Variants in LAMA3 observed in about 807,000 individuals in gnomAD.
LAMA3 encodes laminin subunit alpha 3, also known as laminin subunit alpha-3.
A neutral mutation model predicts 402.0 loss-of-function variants in LAMA3; 281 were observed. That is an observed-to-expected ratio of 0.70 (90% CI 0.63 to 0.77). LAMA3 has a LOEUF of 0.77. LAMA3 is among the 30% of genes least tolerant of loss of function. The probability of loss-of-function intolerance (pLI) is 0.00; values close to 1 mark genes in which losing one functional copy is unlikely to be tolerated. For synonymous variants in LAMA3, 1,431 were observed against 1,558.4 expected, an observed-to-expected ratio of 0.92 and a Z score of 1.93; for missense variants, 3,840 against 4,215.5, an observed-to-expected ratio of 0.91 and a Z score of 2.47.
chr18:23,727,308 TG>T (rs2061316163), intron 2 of LAMA3, among the ~76,000 whole-genome samples: 1 of 25,794 alleles, frequency 3.9e-5, no homozygotes, highest in Admixed American at 5.6e-4. Flanking sequence ...TGTCCTTGTT[TG>T]ATTGATTGAT....
At chr18:23,882,609 TAAA>T (rs10555585) in intron 40 of LAMA3, among the ~76,000 whole-genome samples, 5 of 138,814 alleles carry the variant, frequency 3.6e-5, no homozygotes, top group African/African-American at 5.1e-5. Context: ...GACTCCATCT[TAAA>T]AAAAAAAAAA....
chr18:23,753,979 T>C (rs966455700), intron 6 of LAMA3, among the ~76,000 whole-genome samples, 167 bp downstream of exon 6: 1 of 152,116 alleles, frequency 6.6e-6, no homozygotes, highest in African/African-American at 2.4e-5. Context: ...CAACTCTCCA[T>C]TTTCTTTCAC....
At chr18:23,859,835 C>T (rs2064172445) in intron 34 of LAMA3, among the ~76,000 whole-genome samples, 1 of 152,186 alleles carries the variant, frequency 6.6e-6, no homozygotes, top group African/African-American at 2.4e-5. Context: ...CCTCTCCCTT[C>T]CTCAGAGGTT....
At chr18:23,768,848 G>A (rs985112531) in intron 8 of LAMA3, among the ~76,000 whole-genome samples, 4 of 152,184 alleles carry the variant, frequency 2.6e-5, no homozygotes, top group African/African-American at 9.7e-5. Context: ...CAGCATGGAT[G>A]CAGCTGGAGG....
chr18:23,872,539 A>C (rs1022080529), intron 38 of LAMA3, among the ~76,000 whole-genome samples: 1 of 152,114 alleles, frequency 6.6e-6, no homozygotes, highest in Non-Finnish European at 1.5e-5. Context: ...GGTAGCCGAA[A>C]ACCCCAAGGT....
chr18:23,728,111 G>A (rs952987590), intron 2 of LAMA3, among the ~76,000 whole-genome samples: 2 of 152,144 alleles, frequency 1.3e-5, no homozygotes, highest in Non-Finnish European at 1.5e-5. Context: ...GCTACCTCAA[G>A]TCTCTCCTCT....
intron 1 of LAMA3, 147 bp from the exon 2 acceptor site, chr18:23,713,773 C>A: frequency 2.9e-6 from 2 of 686,440 alleles, no homozygotes; most frequent in Non-Finnish European, 4.9e-6. Context: ...GAATACATTC[C>A]AGTGAATTTT....
chr18:23,925,665 C>A (rs1156487854), intron 62 of LAMA3, among the ~76,000 whole-genome samples: 1 of 152,210 alleles, frequency 6.6e-6, no homozygotes, highest in African/African-American at 2.4e-5. Flanking sequence ...ACCAACACAA[C>A]AACTCATGCC....
intron 42 of LAMA3, among the ~76,000 whole-genome samples, chr18:23,892,649 T>A (rs2080717496): frequency 6.6e-6 from 1 of 152,074 alleles, no homozygotes; most frequent in Non-Finnish European, 1.5e-5. Context: ...ATGCCTGTAA[T>A]CCCAGCACTT....
chr18:23,779,004 A>T (rs1437868875), intron 11 of LAMA3, among the ~76,000 whole-genome samples: 3 of 152,310 alleles, frequency 2.0e-5, no homozygotes, highest in African/African-American at 7.2e-5. Flanking sequence ...TGAAGCAGGT[A>T]TAGGAAAGAG....
chr18:23,710,838 T>G lies in LAMA3; in HGVS notation c.295-3082T>G, dbSNP rs2060977335. On this transcript the variant is annotated intron_variant, in intron 1 of 74. Transcript: ENST00000313654. ...ATTAATTTTTAAATACATTATTAAA[T>G]TTTTAGAATAAATTTTTCTTTCTTT... 2.0e-5 allele frequency among the ~76,000 whole-genome samples: 3 copies of G among 152,178 alleles called. No individual in the cohort carries two copies. In the South Asian group the frequency reaches 6.2e-4, roughly 31 times the overall value.
At chr18:23,881,089 CT>C (rs1163616560) in intron 39 of LAMA3, among the ~76,000 whole-genome samples, 2 of 152,106 alleles carry the variant, frequency 1.3e-5, no homozygotes, top group Non-Finnish European at 2.9e-5. Context: ...GCATTTAGAT[CT>C]TTTTTGCTAG....
intron 36 of LAMA3, among the ~76,000 whole-genome samples, chr18:23,865,458 TTCTA>T (rs138101141): frequency 1.8e-3 from 267 of 152,300 alleles, no homozygotes; most frequent in African/African-American, 6.1e-3. Context: ...TTTTTTATGT[TTCTA>T]TCTTTCAATT....
chr18:23,866,464 CTG>C (rs1308875543), intron 36 of LAMA3, among the ~76,000 whole-genome samples: 2 of 152,186 alleles, frequency 1.3e-5, no homozygotes, highest in Non-Finnish European at 2.9e-5. Context: ...ATCTACTAAA[CTG>C]TTTTAAAAAC....
intron 12 of LAMA3, among the ~76,000 whole-genome samples, chr18:23,796,310 GT>G (rs2062762260): frequency 6.6e-6 from 1 of 152,194 alleles, no homozygotes; most frequent in Admixed American, 6.5e-5. Context: ...GTGGAATTCA[GT>G]GCTCTGACTG....
In LAMA3 at chr18:23,833,654, G is replaced by A. The variant is rs184218354; in HGVS notation, c.2824-174G>A. Reference sequence around the variant, plus strand: ...TTATTTCCATTTAAAATTTAACAGGGCACCATGTGTTTTATCTGGCATCTC... The same window carrying A: ...TTATTTCCATTTAAAATTTAACAGGACACCATGTGTTTTATCTGGCATCTC... On this transcript the variant is annotated intron_variant, in intron 23 of 74. Transcript: ENST00000313654. Among the ~76,000 whole-genome samples the A allele has an allele frequency of 2.3e-3, 349 of 152,260 alleles. 3 individuals carry two copies. Among genetic ancestry groups the A allele is most frequent in the African/African-American group, 7.9e-3 (329 of 41,540 alleles).
intron 36 of LAMA3, among the ~76,000 whole-genome samples, chr18:23,867,035 G>A (rs2092378867): frequency 6.6e-6 from 1 of 152,316 alleles, no homozygotes; most frequent in South Asian, 2.1e-4. Flanking sequence ...CCATAATGGG[G>A]TGGGCTGGAG....
In LAMA3 at chr18:23,826,817, G is replaced by T; in HGVS notation, c.2669+18G>T. 1.3e-6 allele frequency: 2 copies of T among 1,491,112 alleles called. No individual in the cohort carries two copies. The highest frequency in any genetic ancestry group is 1.8e-6 in the Non-Finnish European group (2 of 1,090,400). The allele number at this position is 1,491,112 out of a possible 1,614,324, so 92.4% of individuals were successfully genotyped here. On this transcript the variant is annotated intron_variant, in intron 22 of 74. Coordinates refer to ENST00000313654, the MANE Select transcript of LAMA3 (RefSeq NM_198129.4). ...CAAGAAAAGTCAGTGTGGGGCAGAA[G>T]GTGCAGCCGCATCATTGGGGTCCTC...
In LAMA3 at chr18:23,890,107, C is replaced by T. The variant is rs764837343; in HGVS notation, c.5400C>T (p.Pro1800=). ...NSNGQLGSCH[P]LTGDCINQEP... The stretch of plus-strand genomic sequence containing the variant: ...ATGGCCAGCTGGGCAGCTGTCATCC[C>T]CTGACTGGAGGTAAGGCCGACCCAC... Residue 1800 remains proline (P), a synonymous_variant, in exon 42 of 75, where the codon CCC becomes CCT. Coordinates refer to ENST00000313654, the MANE Select transcript of LAMA3 (RefSeq NM_198129.4). 4 of 1,611,882 alleles carry T rather than the reference C, an allele frequency of 2.5e-6. No homozygotes were observed. Among genetic ancestry groups the T allele is most frequent in the Non-Finnish European group, 2.5e-6 (3 of 1,177,926 alleles).
Sources: allele counts gnomAD v4.1 joint callset (sites outside exome capture counted in the v4.1 genomes callset), GRCh38; gene constraint gnomAD v4.1.1; transcripts MANE v1.5; gene names NCBI Gene and HGNC (gene_info 2026-07-23, HGNC 2026-07-21).